PGBD2: variants seen among roughly 807,000 people sequenced by gnomAD.
The protein encoded by PGBD2 is piggyBac transposable element derived 2.
PGBD2 carries 6 observed loss-of-function variants against 8.1 expected under a neutral mutation model. The observed-to-expected ratio is 0.74, with a 90% confidence interval of 0.40 to 1.46. The LOEUF is 1.46. PGBD2 is among the 40% of genes most tolerant of loss of function. PGBD2 has a pLI of 0.02. For synonymous variants in PGBD2, 318 were observed against 272.2 expected, an observed-to-expected ratio of 1.17 and a Z score of -1.66; for missense variants, 802 against 739.0, an observed-to-expected ratio of 1.09 and a Z score of -0.99.
upstream of PGBD2, among the ~76,000 whole-genome samples, chr1:248,901,383 CA>C (rs531760855): frequency 2.3e-3 from 348 of 152,186 alleles, no homozygotes; most frequent in Non-Finnish European, 3.8e-3. Context: ...GGTACTGGTA[CA>C]AAAATGACAC....
the PGBD2 span, among the ~76,000 whole-genome samples, chr1:248,875,308 CAAAAAAAAAAAAA>C: frequency 1.8e-5 from 2 of 110,254 alleles, no homozygotes; most frequent in South Asian, 3.1e-4. Flanking sequence ...AAAAACAAAA[CAAAAAAAAAAAAA>C]AAAAAAAGAA....
At chr1:248,908,976 A>T (rs1661765724) in intron 1 of PGBD2, among the ~76,000 whole-genome samples, 1 of 152,178 alleles carries the variant, frequency 6.6e-6, no homozygotes, top group Non-Finnish European at 1.5e-5. Context: ...GTTTTGATAA[A>T]CACCTCCTTT....
chr1:248,885,307 A>C, the PGBD2 span, among the ~76,000 whole-genome samples: 2 of 144,572 alleles, frequency 1.4e-5, no homozygotes, highest in South Asian at 4.2e-4. Context: ...GCTACTTTTT[A>C]ATTTTTTTTT....
the PGBD2 span, among the ~76,000 whole-genome samples, chr1:248,900,480 T>G: frequency 1.3e-5 from 2 of 152,076 alleles, no homozygotes; most frequent in African/African-American, 4.8e-5. Context: ...TAAACAGAAC[T>G]AAAGACAAAA....
In PGBD2 at chr1:248,913,799, C is replaced by A; in HGVS notation, c.-47-17C>A. 7.3e-7 allele frequency: 1 copy of A among 1,366,058 alleles called. No individual in the cohort carries two copies. The highest frequency in any genetic ancestry group is 1.0e-6 in the Non-Finnish European group (1 of 964,746). The allele number at this position is 1,366,058 out of a possible 1,614,324, so 84.6% of individuals were successfully genotyped here. A position where few individuals can be genotyped will look rare whatever the true frequency, so the allele number is the denominator to read the frequency against. ...AAGATACAATTTTTTTTTAAATTGA[C>A]TTTTCTTGTCTTACAGGTTCTTAGA... On this transcript the variant is annotated splice_polypyrimidine_tract_variant and intron_variant, in intron 1 of 2. Coordinates refer to ENST00000329291, the MANE Select transcript of PGBD2 (RefSeq NM_170725.3).
chr1:248,925,887 T>C, the PGBD2 span, among the ~76,000 whole-genome samples: 1 of 152,174 alleles, frequency 6.6e-6, no homozygotes, highest in Non-Finnish European at 1.5e-5. Flanking sequence ...AGATTTGGCA[T>C]AGAAACAATA....
At position 248,918,065 on chromosome 1, in the gene PGBD2, C is replaced by T; in HGVS notation, c.1481C>T (p.Ala494Val). Reference sequence around the variant, plus strand: ...TTTATTGGCTATGTCATTGATGCTGCCCTCAACAATGCATGGCAGCTGCAT... The same window carrying T: ...TTTATTGGCTATGTCATTGATGCTGTCCTCAACAATGCATGGCAGCTGCAT... ...SSFIGYVIDA[A>V]LNNAWQLHRI... The change falls in exon 3 of 3, where the codon GCC (alanine) becomes GTC (valine). Residue 494 changes from alanine (A) to valine (V), a missense_variant. Ala to Val is a moderately conservative substitution (Grantham distance 64). Coordinates refer to ENST00000329291, the MANE Select transcript of PGBD2 (RefSeq NM_170725.3). 1 of 1,614,184 alleles carries T rather than the reference C, an allele frequency of 6.2e-7. No individual in the cohort carries two copies. Among genetic ancestry groups the T allele is most frequent in the Non-Finnish European group, 8.5e-7 (1 of 1,180,028 alleles).
rs1662166690 is a variant in PGBD2 at position 248,917,818 on chromosome 1, C to T, written c.1234C>T (p.Arg412Cys). Residue 412 changes from arginine to cysteine, a missense_variant, in exon 3 of 3, where the codon CGC becomes TGC. Transcript: ENST00000329291. ...VDESEEIIVCRWHDSSVVNIC... is the reference protein window; with the variant it reads ...VDESEEIIVCCWHDSSVVNIC... ...TGAGAGTGAGGAGATCATCGTGTGC[C>T]GCTGGCACGATAGCAGCGTGGTCAA... 5.6e-6 allele frequency: 9 copies of T among 1,614,022 alleles called. No individual in the cohort carries two copies. Among genetic ancestry groups the T allele is most frequent in the Non-Finnish European group, 7.6e-6 (9 of 1,180,046 alleles).
the PGBD2 span, among the ~76,000 whole-genome samples, chr1:248,897,517 C>G: frequency 6.6e-6 from 1 of 152,166 alleles, no homozygotes; most frequent in African/African-American, 2.4e-5. Flanking sequence ...GCAAGCATTT[C>G]AAACAAGGAG....
At chr1:248,892,661 C>T in the PGBD2 span, among the ~76,000 whole-genome samples, 1 of 152,150 alleles carries the variant, frequency 6.6e-6, no homozygotes, top group African/African-American at 2.4e-5. Flanking sequence ...TTCTTTCACA[C>T]CTGGCTATTA....
chr1:248,883,925 T>A, the PGBD2 span, among the ~76,000 whole-genome samples: 2 of 152,188 alleles, frequency 1.3e-5, no homozygotes, highest in Non-Finnish European at 2.9e-5. Flanking sequence ...CAGAAGCTCG[T>A]TAGTTTAATT....
chr1:248,927,891 GA>G, the PGBD2 span, among the ~76,000 whole-genome samples: 3 of 152,194 alleles, frequency 2.0e-5, no homozygotes, highest in African/African-American at 7.2e-5. Context: ...CCAGAAAACA[GA>G]AAGGGATAAC....
chr1:248,879,204 A>G, the PGBD2 span, among the ~76,000 whole-genome samples: 5 of 152,190 alleles, frequency 3.3e-5, no homozygotes, highest in Admixed American at 3.3e-4. Flanking sequence ...TATTATGGCT[A>G]CTGGGGGTAC....
At chr1:248,877,791 A>G in the PGBD2 span, among the ~76,000 whole-genome samples, 437 of 152,342 alleles carry the variant, frequency 2.9e-3, 6 homozygotes, top group South Asian at 0.018. Context: ...GAGAAACTAC[A>G]CAAATTTGTA....
At chr1:248,895,487 G>A in the PGBD2 span, among the ~76,000 whole-genome samples, 1 of 152,076 alleles carries the variant, frequency 6.6e-6, no homozygotes. Context: ...TCATCCTCGT[G>A]TCTGGTGCTG....
chr1:248,900,140 C>T, the PGBD2 span, among the ~76,000 whole-genome samples: 1 of 148,394 alleles, frequency 6.7e-6, no homozygotes, highest in East Asian at 2.0e-4. Context: ...AGGATTATAG[C>T]TTAATTCTAC....
At position 248,917,124 on chromosome 1, in the gene PGBD2, G is replaced by C; in HGVS notation, c.540G>C (p.Lys180Asn). 1 of 1,614,140 alleles carries C rather than the reference G, an allele frequency of 6.2e-7. No homozygotes were observed. The highest frequency in any genetic ancestry group is 8.5e-7 in the Non-Finnish European group (1 of 1,180,034). The change falls in exon 3 of 3, where the codon AAG becomes AAC. Residue 180 changes from lysine (K) to asparagine (N), a missense_variant. Physicochemically the swap from Lys to Asn is moderately conservative, Grantham distance 94. Transcript: ENST00000329291. ...TGAGTCTTACGGCTCAGGAATTGAA[G>C]TGTGTTTTGGGCATTTTGATTTTAA... Reference protein sequence around the residue: ...VNLSLTAQELKCVLGILILSG... With the variant: ...VNLSLTAQELNCVLGILILSG...
chr1:248,914,420 C>CTT, intron 2 of PGBD2: 1 of 1,248,686 alleles, frequency 8.0e-7, no homozygotes, highest in Non-Finnish European at 1.0e-6. Context: ...AAGCCGGTCT[C>CTT]TTTTTCTGGC....
intron 2 of PGBD2, among the ~76,000 whole-genome samples, chr1:248,915,989 T>C (rs1331213673): frequency 2.0e-5 from 3 of 152,128 alleles, no homozygotes; most frequent in African/African-American, 7.2e-5. Context: ...TTATCTGGGG[T>C]GATGACAGCA....
Sources: allele counts gnomAD v4.1 joint callset (sites outside exome capture counted in the v4.1 genomes callset), GRCh38; gene constraint gnomAD v4.1.1; transcripts MANE v1.5; gene names NCBI Gene and HGNC (gene_info 2026-07-23, HGNC 2026-07-21).